RSPRY1: variants seen among roughly 807,000 people sequenced by gnomAD.
RSPRY1 encodes the protein RING finger and SPRY domain-containing protein 1.
RSPRY1 carries 23 observed loss-of-function variants against 73.1 expected under a neutral mutation model. The ratio of observed to expected loss-of-function variants is 0.31; its 90% CI spans 0.23 to 0.45. RSPRY1 has a LOEUF of 0.45. Among genes scored for constraint, RSPRY1 ranks in the 20% least tolerant of loss-of-function variants. The pLI is 1.00. For synonymous variants in RSPRY1, 226 were observed against 251.4 expected (o/e 0.90, Z 0.95); for missense variants, 448 against 698.7 (o/e 0.64, Z 4.05).
In RSPRY1 at chr16:57,204,897, C is replaced by G. The variant is rs773602163; in HGVS notation, c.239C>G (p.Pro80Arg). The change falls in exon 2 of 15, where the codon CCT (proline) becomes CGT (arginine). Residue 80 changes from proline to arginine, a missense_variant. Physicochemically the swap from Pro to Arg is moderately radical, Grantham distance 103 (BLOSUM62 -2). Coordinates refer to ENST00000394420, the MANE Select transcript of RSPRY1 (RefSeq NM_133368.3). ...GACACAAGGAGCCAACCACGGGACC[C>G]TGTTCGGCCACCAAGGAGGGGCCGA... is the stretch of plus-strand genomic sequence containing the variant. The part of the protein sequence containing the change: ...TADTRSQPRD[P>R]VRPPRRGRGP... The G allele has an allele frequency of 2.5e-6, 4 of 1,614,188 alleles. No homozygotes were observed. The highest frequency in any genetic ancestry group is 3.4e-6 in the Non-Finnish European group (4 of 1,180,044).
At chr16:57,205,663 AT>A in intron 2 of RSPRY1, among the ~76,000 whole-genome samples, 1 of 152,232 alleles carries the variant, frequency 6.6e-6, no homozygotes. Context: ...AAGGTTGTAT[AT>A]TTCAGTAGTT....
intron 7 of RSPRY1, 93 bp downstream of exon 7, chr16:57,216,266 C>CCGTT: frequency 3.3e-6 from 3 of 908,908 alleles, no homozygotes; most frequent in Non-Finnish European, 5.4e-6. Context: ...ACACTTTGAA[C>CCGTT]CCCATCAGAT....
chr16:57,207,695 A>G (rs1465960777), intron 2 of RSPRY1: 1 of 464,782 alleles, frequency 2.2e-6, no homozygotes, highest in Admixed American at 2.3e-5. Context: ...GGTAAGTATG[A>G]AGGTGATGTT....
rs546887670 is a variant in RSPRY1 at position 57,229,596 on chromosome 16, G to A, written c.1274-1115G>A. On this transcript the variant is annotated intron_variant, in intron 11 of 14. Transcript: ENST00000394420. Reference sequence around the variant, plus strand: ...ATTGTACCACTGCACTCCAGCCTGGGTAATGGAGCAAGACCCTGTCTTAAC... The same window carrying A: ...ATTGTACCACTGCACTCCAGCCTGGATAATGGAGCAAGACCCTGTCTTAAC... 8.1e-4 allele frequency among the ~76,000 whole-genome samples: 123 copies of A among 151,102 alleles called. 1 individual carries two copies. Among genetic ancestry groups the A allele is most frequent in the Non-Finnish European group, 5.6e-4 (38 of 67,894 alleles).
intron 13 of RSPRY1, among the ~76,000 whole-genome samples, chr16:57,232,153 C>G (rs896684468): frequency 2.0e-5 from 3 of 152,188 alleles, no homozygotes; most frequent in African/African-American, 4.8e-5. Flanking sequence ...GCATACTGGC[C>G]ATGACATAGC....
intron 4 of RSPRY1, among the ~76,000 whole-genome samples, chr16:57,209,628 A>T (rs2050315147): frequency 6.6e-6 from 1 of 151,456 alleles, no homozygotes; most frequent in South Asian, 2.1e-4. Context: ...CCTCCTCCCA[A>T]AGTGCTGGGA....
chr16:57,239,880 T>TTTA lies in RSPRY1; in HGVS notation c.*905_*906insTTA, dbSNP rs1364783131. On this transcript the variant is annotated 3_prime_UTR_variant, in exon 15 of 15. Transcript: ENST00000394420. The stretch of plus-strand genomic sequence containing the variant: ...ATATACTTTGAAACTCTTGAACTAA[T>TTTA]AGTCTCAAAAACTCTAGAGGACAGT... 1 of 152,206 alleles carries TTTA rather than the reference T, an allele frequency of 6.6e-6. No homozygotes were observed. Among genetic ancestry groups the TTTA allele is most frequent in the African/African-American group, 2.4e-5 (1 of 41,462 alleles). The allele number at this position is 152,206 out of a possible 1,614,324, so 9.4% of individuals were successfully genotyped here.
In RSPRY1 at chr16:57,236,522, G is replaced by C. The variant is rs573211657; in HGVS notation, c.1634+1294G>C. On this transcript the variant is annotated intron_variant, in intron 14 of 14. Coordinates refer to ENST00000394420, the MANE Select transcript of RSPRY1 (RefSeq NM_133368.3). ...ATTACAAGAGTCAATCCCCAGAGGA[G>C]ACTGAAAATCTAAGCATTCCTGTTA... Among the ~76,000 whole-genome samples, 1,028 of 152,292 alleles carry C rather than the reference G, an allele frequency of 6.8e-3. 14 individuals carry two copies. Among genetic ancestry groups the C allele is most frequent in the African/African-American group, 0.024 (980 of 41,560 alleles).
In RSPRY1 at chr16:57,204,768, C is replaced by G. The variant is rs748581287; in HGVS notation, c.110C>G (p.Ala37Gly). ...IAHFLGTGGA[A>G]TTMGNSCICR... Reference sequence around the variant, plus strand: ...CACTTCCTAGGGACTGGAGGTGCCGCTACTACCATGGGTAATTCCTGTATC... The same window carrying G: ...CACTTCCTAGGGACTGGAGGTGCCGGTACTACCATGGGTAATTCCTGTATC... The change falls in exon 2 of 15, where the codon GCT becomes GGT. Residue 37 changes from alanine (A) to glycine (G), a missense_variant. Physicochemically the swap from Ala to Gly is moderately conservative, Grantham distance 60. Transcript: ENST00000394420. The G allele has an allele frequency of 2.5e-6, 4 of 1,614,182 alleles. No homozygotes were observed. The South Asian group carries it at 4.4e-5, about 18-fold the overall frequency.
chr16:57,227,830 AGGTCC>A (rs1172899894), intron 11 of RSPRY1, among the ~76,000 whole-genome samples: 1 of 152,206 alleles, frequency 6.6e-6, no homozygotes, highest in African/African-American at 2.4e-5. Flanking sequence ...GCTATGGAAC[AGGTCC>A]TATCCAGTGG....
chr16:57,208,571 C>T (rs1486541061), intron 3 of RSPRY1, among the ~76,000 whole-genome samples: 1 of 151,408 alleles, frequency 6.6e-6, no homozygotes, highest in African/African-American at 2.4e-5. Flanking sequence ...AGCAATTTTT[C>T]TGTTGTTTGT....
intron 10 of RSPRY1, 116 bp downstream of exon 10, chr16:57,221,531 G>C: frequency 8.9e-7 from 1 of 1,120,592 alleles, no homozygotes; most frequent in Non-Finnish European, 1.3e-6. Context: ...TCTTTTCTTG[G>C]GCAGAGCCAC....
chr16:57,237,204 T>C (rs2075313256), intron 14 of RSPRY1, among the ~76,000 whole-genome samples: 1 of 152,054 alleles, frequency 6.6e-6, no homozygotes, highest in Admixed American at 6.5e-5. Context: ...AGTACAGTGG[T>C]GTGATCTCAG....
intron 2 of RSPRY1, among the ~76,000 whole-genome samples, chr16:57,206,443 T>C (rs1248258189): frequency 2.6e-5 from 4 of 152,162 alleles, no homozygotes. Flanking sequence ...TTAAATCCCT[T>C]GTACCAAATT....
chr16:57,216,288 C>G, intron 7 of RSPRY1, 115 bp downstream of exon 7: 1 of 745,010 alleles, frequency 1.3e-6, no homozygotes, highest in Non-Finnish European at 2.3e-6. Context: ...GGCATACATT[C>G]TGTTTTCATC....
intron 1 of RSPRY1, among the ~76,000 whole-genome samples, chr16:57,189,461 AAAC>A (rs1194990182): frequency 6.6e-6 from 1 of 152,014 alleles, no homozygotes; most frequent in African/African-American, 2.4e-5. Flanking sequence ...AATCAGGTAA[AAAC>A]AACAAATCTG....
intron 1 of RSPRY1, among the ~76,000 whole-genome samples, chr16:57,201,558 C>T (rs1346553710): frequency 6.6e-6 from 1 of 152,208 alleles, no homozygotes; most frequent in Non-Finnish European, 1.5e-5. Context: ...GACGGGGTGG[C>T]GGCCGGGCAG....
intron 1 of RSPRY1, among the ~76,000 whole-genome samples, chr16:57,191,188 T>C (rs560991491): frequency 1.3e-5 from 2 of 152,308 alleles, no homozygotes; most frequent in East Asian, 3.9e-4. Flanking sequence ...TGAAGAATTG[T>C]TTTCGCTCTT....
intron 5 of RSPRY1, among the ~76,000 whole-genome samples, chr16:57,213,680 T>TGCCAAGTGCCC (rs1414360718): frequency 6.6e-6 from 1 of 152,246 alleles, no homozygotes; most frequent in Non-Finnish European, 1.5e-5. Flanking sequence ...CCCATGTGCT[T>TGCCAAGTGCCC]GCCAAGTGCC....
Sources: gnomAD v4.1 joint callset for allele counts (sites outside exome capture counted in the v4.1 genomes callset) on GRCh38, gnomAD v4.1.1 for gene constraint, MANE v1.5 for transcripts, NCBI Gene and HGNC (gene_info 2026-07-23, HGNC 2026-07-21) for gene names.